Variants in TLK2 observed in about 807,000 individuals in gnomAD.
The protein encoded by TLK2 is tousled like kinase 2, also known as serine/threonine-protein kinase tousled-like 2.
A neutral mutation model predicts 117.3 loss-of-function variants in TLK2; 6 were observed. The ratio of observed to expected loss-of-function variants is 0.05; its 90% CI spans 0.03 to 0.10. The LOEUF is 0.10. TLK2 is among the 10% of genes least tolerant of loss of function. The pLI is 1.00. For synonymous variants in TLK2, 257 were observed against 316.7 expected (o/e 0.81, Z 2.00); for missense variants, 299 against 901.2 (o/e 0.33, Z 8.56).
chr17:62,586,695 T>C (rs6504110), intron 16 of TLK2, among the ~76,000 whole-genome samples: 102,107 of 151,570 alleles, frequency 0.67, 34,577 homozygotes, highest in East Asian at 0.82. Flanking sequence ...GTGGCAGGCA[T>C]CTGTAGTCCC....
At chr17:62,547,241 C>T (rs554018862) in intron 7 of TLK2, among the ~76,000 whole-genome samples, 4 of 150,976 alleles carry the variant, frequency 2.6e-5, no homozygotes, top group African/African-American at 4.9e-5. Flanking sequence ...ATTGTTTTTT[C>T]GTCTTGGATT....
intron 16 of TLK2, among the ~76,000 whole-genome samples, chr17:62,587,278 A>G (rs930814146): frequency 2.6e-5 from 4 of 152,102 alleles, no homozygotes; most frequent in African/African-American, 9.7e-5. Flanking sequence ...TAGGTTCCCC[A>G]CTGGGCTTAG....
At chr17:62,476,573 ACT>A (rs1190624722), upstream of TLK2, among the ~76,000 whole-genome samples, 2 of 143,322 alleles carry the variant, frequency 1.4e-5, no homozygotes, top group East Asian at 2.2e-4. Context: ...ACAGTGTGAG[ACT>A]CTGTCACCAA....
chr17:62,543,149 CTT>C (rs2145976507), intron 7 of TLK2, among the ~76,000 whole-genome samples: 1 of 152,232 alleles, frequency 6.6e-6, no homozygotes, highest in South Asian at 2.1e-4. Context: ...TGACAAATAG[CTT>C]TCTCTTTGAT....
chr17:62,519,247 G>A (rs993206885), intron 2 of TLK2, among the ~76,000 whole-genome samples: 35 of 152,224 alleles, frequency 2.3e-4, no homozygotes, highest in Non-Finnish European at 2.9e-4. Flanking sequence ...TTTGCCTGTG[G>A]CTATCTACTC....
intron 2 of TLK2, chr17:62,516,897 A>G (rs1362240379): frequency 6.2e-6 from 4 of 647,064 alleles, no homozygotes; most frequent in Non-Finnish European, 1.1e-5. Flanking sequence ...TTGCATGTAC[A>G]TATCCAGTTT....
intron 19 of TLK2, among the ~76,000 whole-genome samples, chr17:62,605,276 G>C (rs985938174): frequency 6.6e-6 from 1 of 152,180 alleles, no homozygotes; most frequent in Non-Finnish European, 1.5e-5. Context: ...GCAGTGAGCC[G>C]AGATCGTGAG....
intron 21 of TLK2, among the ~76,000 whole-genome samples, chr17:62,609,025 C>G (rs1369287831): frequency 6.6e-6 from 1 of 152,160 alleles, no homozygotes; most frequent in Non-Finnish European, 1.5e-5. Context: ...GTAGCCAGCC[C>G]CATTGGGTGC....
At chr17:62,590,426 G>A (rs2081991644) in intron 16 of TLK2, among the ~76,000 whole-genome samples, 1 of 152,136 alleles carries the variant, frequency 6.6e-6, no homozygotes, top group Non-Finnish European at 1.5e-5. Context: ...CTGGGCGACA[G>A]AGCGAGACTC....
chr17:62,548,853 C>T (rs2078161187), intron 7 of TLK2, among the ~76,000 whole-genome samples: 1 of 151,648 alleles, frequency 6.6e-6, no homozygotes, highest in Non-Finnish European at 1.5e-5. Flanking sequence ...TCTCCTGCCT[C>T]AGCCTCCTGA....
intron 2 of TLK2, among the ~76,000 whole-genome samples, chr17:62,508,168 G>GTTTTTTTTT (rs34268998): frequency 8.0e-6 from 1 of 125,758 alleles, no homozygotes. Context: ...AAATTTCCTA[G>GTTTTTTTTT]TTTTTTTTTT....
chr17:62,571,300 A>G (rs745575242), intron 11 of TLK2, among the ~76,000 whole-genome samples: 2 of 152,212 alleles, frequency 1.3e-5, no homozygotes, highest in African/African-American at 2.4e-5. Flanking sequence ...TATACTTTAA[A>G]TCACCTCTGG....
chr17:62,513,318 CTT>C (rs35309536), intron 2 of TLK2, among the ~76,000 whole-genome samples: 16 of 99,826 alleles, frequency 1.6e-4, no homozygotes, highest in East Asian at 5.6e-4. Context: ...ATTAAATTGC[CTT>C]TTTTTTTTTT....
intron 2 of TLK2, among the ~76,000 whole-genome samples, chr17:62,492,658 T>C (rs1394494448): frequency 6.6e-6 from 1 of 151,808 alleles, no homozygotes; most frequent in African/African-American, 2.4e-5. Flanking sequence ...GGTTTCACCA[T>C]GTTGGCCAGG....
chr17:62,604,422 T>A (rs952854893), intron 19 of TLK2, among the ~76,000 whole-genome samples: 2 of 151,842 alleles, frequency 1.3e-5, no homozygotes, highest in Non-Finnish European at 2.9e-5. Flanking sequence ...ATATATATAT[T>A]TTTAGCACAG....
chr17:62,589,983 A>AT (rs2081951571), intron 16 of TLK2, among the ~76,000 whole-genome samples: 1 of 151,006 alleles, frequency 6.6e-6, no homozygotes, highest in Non-Finnish European at 1.5e-5. Flanking sequence ...ACTTTTTTGT[A>AT]TTTTTAGTAG....
chr17:62,549,418 A>AAAAAAAAAAAAAAAG (rs1567898062), intron 7 of TLK2, among the ~76,000 whole-genome samples: 130 of 8,538 alleles, frequency 0.015, 21 homozygotes, highest in Non-Finnish European at 0.06. Flanking sequence ...AAAAAAAAAA[A>AAAAAAAAAAAAAAAG]AAAAAAAAAA....
chr17:62,498,391 T>C (rs12947390), intron 2 of TLK2, among the ~76,000 whole-genome samples: 1,200 of 51,980 alleles, frequency 0.023, 7 homozygotes, highest in Admixed American at 0.052. Context: ...AAAGCCCCCC[T>C]TTTTTTTTTT....
rs2076233134 is a variant in TLK2, at chr17:62,524,261, C to A, written c.293C>A (p.Thr98Asn). The change falls in exon 6 of 22, where the codon ACC (threonine) becomes AAC (asparagine). Residue 98 changes from threonine (T) to asparagine (N), a missense_variant. Thr to Asn is a moderately conservative substitution (Grantham distance 65). Transcript: ENST00000346027. ...TTTGCTGGGGGAAGCGCGCCAGGAA[C>A]CAGCCCTGGCAGAAGTGTTCCACCA... ...FEFAGGSAPGTSPGRSVPPVA... is the reference protein window; with the variant it reads ...FEFAGGSAPGNSPGRSVPPVA... 6 of 1,613,914 alleles carry A rather than the reference C, an allele frequency of 3.7e-6. No individual in the cohort carries two copies. Among genetic ancestry groups the A allele is most frequent in the Non-Finnish European group, 5.1e-6 (6 of 1,179,860 alleles).
Sources: allele counts gnomAD v4.1 joint callset (sites outside exome capture counted in the v4.1 genomes callset), GRCh38; gene constraint gnomAD v4.1.1; transcripts MANE v1.5; gene names NCBI Gene and HGNC (gene_info 2026-07-23, HGNC 2026-07-21).